Variants in KIRREL3 observed in about 807,000 individuals in gnomAD.
The protein encoded by KIRREL3 is kirre like nephrin family adhesion molecule 3.
Under a neutral mutation model 89.7 loss-of-function variants are expected in KIRREL3, and 36 were observed. The observed-to-expected ratio is 0.40, with a 90% CI of 0.31 to 0.53. The LOEUF is 0.53. Among genes scored for constraint, KIRREL3 ranks in the 20% least tolerant of loss-of-function variants. The pLI is 0.49. For missense variants in KIRREL3, 864 were observed against 1,056.6 expected (o/e 0.82, Z 2.53); for synonymous variants, 445 against 441.4 (o/e 1.01, Z -0.10).
Position 126,993,690 on chromosome 11 carries a change from T to A in KIRREL3, c.55+6765A>T, listed in dbSNP as rs1007522515. ...TACTGCATAGGAGGCCCACAGTGAG[T>A]GCTGGCTGAGTGGTCAAGGGCTGAG... On this transcript the variant is annotated intron_variant, in intron 1 of 16. Transcript: ENST00000525144. This position sits in a 1 kb window ranked among gnomAD's most constrained non-coding sequence, Gnocchi z 6.1. Among the ~76,000 whole-genome samples the A allele has an allele frequency of 1.3e-5, 2 of 152,154 alleles. No homozygotes were observed. Among genetic ancestry groups the A allele is most frequent in the South Asian group, 4.2e-4 (2 of 4,818 alleles).
In KIRREL3 at chr11:126,568,023, C is replaced by A. The variant is rs1208433905; in HGVS notation, c.56-5111G>T. Among the ~76,000 whole-genome samples, 5 of 152,106 alleles carry A rather than the reference C, an allele frequency of 3.3e-5. No homozygotes were observed. Among genetic ancestry groups the A allele is most frequent in the Non-Finnish European group, 5.9e-5 (4 of 67,996 alleles). On this transcript the variant is annotated intron_variant, in intron 1 of 16. Coordinates refer to ENST00000525144, the MANE Select transcript of KIRREL3 (RefSeq NM_032531.4). The surrounding 1 kb of genome is among the most constrained non-coding windows in gnomAD (Gnocchi z 4.6). ...TTGCTGAAGACTAACCCCTTCCCAC[C>A]TGAAGCTAGTAGACTCGAGCACGTC...
In KIRREL3 at chr11:126,512,324, G is replaced by A. The variant is rs149035367; in HGVS notation, c.433+8991C>T. 2.8e-3 allele frequency among the ~76,000 whole-genome samples: 431 copies of A among 152,342 alleles called. 2 individuals carry two copies. Among genetic ancestry groups the A allele is most frequent in the African/African-American group, 9.4e-3 (389 of 41,580 alleles). The stretch of plus-strand genomic sequence containing the variant: ...GTGTTAAGTACCTGCGTGCACCAGC[G>A]CATTTGTCCTTGAGGCGAAGCTGTC... On this transcript the variant is annotated intron_variant, in intron 4 of 16. Transcript: ENST00000525144.
intron 10 of KIRREL3, chr11:126,440,775 C>T (rs1955533392): frequency 5.0e-6 from 3 of 596,744 alleles, no homozygotes; most frequent in South Asian, 2.0e-5. Context: ...AGTCAGAACC[C>T]CCAGAAGATA....
rs535599288 is a variant in KIRREL3, at chr11:126,768,967, C to G, written c.56-206055G>C. The stretch of plus-strand genomic sequence containing the variant: ...CATGATCTGCTTTGTGTCTCAACAT[C>G]TTTTTACATGATCACGACTTGCAGT... On this transcript the variant is annotated intron_variant, in intron 1 of 16. Coordinates refer to ENST00000525144, the MANE Select transcript of KIRREL3 (RefSeq NM_032531.4). The surrounding 1 kb of genome is among the most constrained non-coding windows in gnomAD (Gnocchi z 4.5). Among the ~76,000 whole-genome samples, 14 of 152,338 alleles carry G rather than the reference C, an allele frequency of 9.2e-5. No individual in the cohort carries two copies. In the East Asian group the frequency reaches 2.7e-3, roughly 29 times the overall value.
At position 126,786,411 on chromosome 11, in the gene KIRREL3, CT is replaced by C. The variant is rs796366765; in HGVS notation, c.55+214043del. Among the ~76,000 whole-genome samples, 139 of 151,984 alleles carry C rather than the reference CT, an allele frequency of 9.1e-4. 3 individuals are homozygous for C. The highest frequency in any genetic ancestry group is 3.4e-3 in the Middle Eastern group (1 of 294). ...GTGGTAATATTACATTATAATAAAACTTTTTTTTAAATGTGTTAATTCCTGT... is the reference window on the plus strand; with the variant it reads ...GTGGTAATATTACATTATAATAAAACTTTTTTTAAATGTGTTAATTCCTGT... On this transcript the variant is annotated intron_variant, in intron 1 of 16. Coordinates refer to ENST00000525144, the MANE Select transcript of KIRREL3 (RefSeq NM_032531.4).
intron 1 of KIRREL3, among the ~76,000 whole-genome samples, chr11:126,707,718 T>C (rs1448487259): frequency 6.6e-6 from 1 of 152,214 alleles, no homozygotes; most frequent in Non-Finnish European, 1.5e-5. Flanking sequence ...ATTCCCCCTG[T>C]GGATTCTTCT....
chr11:126,929,949 C>A (rs1357783210), intron 1 of KIRREL3, among the ~76,000 whole-genome samples: 2 of 7,340 alleles, frequency 2.7e-4, no homozygotes, highest in African/African-American at 5.1e-3. Context: ...GGGGGAGCCA[C>A]CCCCCCCCCC....
rs1410628214 is a variant in KIRREL3 at position 126,576,438 on chromosome 11, C to T, written c.56-13526G>A. 1.3e-5 allele frequency among the ~76,000 whole-genome samples: 2 copies of T among 152,190 alleles called. No homozygotes were observed. The highest frequency in any genetic ancestry group is 1.3e-4 in the Admixed American group (2 of 15,280). Reference sequence around the variant, plus strand: ...TGGCTGTTATGGATATTGTGATGAACAAGACAGAGAAGAATTTTTGCCTTC... The same window carrying T: ...TGGCTGTTATGGATATTGTGATGAATAAGACAGAGAAGAATTTTTGCCTTC... On this transcript the variant is annotated intron_variant, in intron 1 of 16. Coordinates refer to ENST00000525144, the MANE Select transcript of KIRREL3 (RefSeq NM_032531.4). This position sits in a 1 kb window ranked among gnomAD's most constrained non-coding sequence, Gnocchi z 5.4.
Position 126,462,789 on chromosome 11 carries a change from T to C in KIRREL3, c.742+368A>G, listed in dbSNP as rs1956589869. On this transcript the variant is annotated intron_variant, in intron 6 of 16. Coordinates refer to ENST00000525144, the MANE Select transcript of KIRREL3 (RefSeq NM_032531.4). The surrounding 1 kb of genome is among the most constrained non-coding windows in gnomAD (Gnocchi z 4.8). ...TCCAGAGCACAGCGCTGCTTGCCAA[T>C]TCTGAAGCCTGGGGACCCTTCAAAT... 6.6e-6 allele frequency among the ~76,000 whole-genome samples: 1 copy of C among 152,184 alleles called. No individual in the cohort carries two copies. The highest frequency in any genetic ancestry group is 1.5e-5 in the Non-Finnish European group (1 of 68,024).
chr11:126,475,146 C>T lies in KIRREL3; in HGVS notation c.434-1680G>A, dbSNP rs1451098257. 1.3e-5 allele frequency among the ~76,000 whole-genome samples: 2 copies of T among 152,224 alleles called. No homozygotes were observed. Among genetic ancestry groups the T allele is most frequent in the African/African-American group, 4.8e-5 (2 of 41,458 alleles). On this transcript the variant is annotated intron_variant, in intron 4 of 16. Transcript: ENST00000525144. The surrounding 1 kb of genome is among the most constrained non-coding windows in gnomAD (Gnocchi z 7.5). ...GCGTGGGAACCTAGCACAAAGGGTC[C>T]TCTCTGCCTGGTGGCCAGAGAAGCC...
At chr11:126,478,771 ATGTG>A (rs1378707954) in intron 4 of KIRREL3, among the ~76,000 whole-genome samples, 1 of 151,680 alleles carries the variant, frequency 6.6e-6, no homozygotes, top group African/African-American at 2.4e-5. Context: ...GTGTGTGTAT[ATGTG>A]TGTTTGTGTG....
intron 1 of KIRREL3, among the ~76,000 whole-genome samples, chr11:126,964,027 C>T (rs1949186258): frequency 6.6e-6 from 1 of 152,212 alleles, no homozygotes; most frequent in Non-Finnish European, 1.5e-5. Context: ...CAAATCCCTT[C>T]AGTGCAAGGG....
Position 126,526,749 on chromosome 11 carries a change from C to T in KIRREL3, c.134-62G>A, listed in dbSNP as rs1407278867. The T allele has an allele frequency of 6.6e-7, 1 of 1,509,988 alleles. No individual in the cohort carries two copies. Among genetic ancestry groups the T allele is most frequent in the Non-Finnish European group, 9.0e-7 (1 of 1,114,714 alleles). 93.5% of individuals were successfully genotyped at this position (1,509,988 alleles called of 1,614,324 possible). On this transcript the variant is annotated intron_variant, in intron 2 of 16. Transcript: ENST00000525144. This position sits in a 1 kb window ranked among gnomAD's most constrained non-coding sequence, Gnocchi z 5.7. ...CGGCTACAGGGGCGAGAAGGCTCCCCTCCAGCTATGGAAGCAGAGCAGGGC... is the reference window on the plus strand; with the variant it reads ...CGGCTACAGGGGCGAGAAGGCTCCCTTCCAGCTATGGAAGCAGAGCAGGGC...
rs1445194461 is a variant in KIRREL3 at position 126,969,047 on chromosome 11, G to GT, written c.55+31407dup. ...GCCTCTCCTTGCATAGATGTCAGAA[G>GT]TAACACTTCAGGCGGGGGCGTCTGA... is the stretch of plus-strand genomic sequence containing the variant. On this transcript the variant is annotated intron_variant, in intron 1 of 16. Coordinates refer to ENST00000525144, the MANE Select transcript of KIRREL3 (RefSeq NM_032531.4). The surrounding 1 kb of genome is among the most constrained non-coding windows in gnomAD (Gnocchi z 4.9). Among the ~76,000 whole-genome samples, 1 of 152,186 alleles carries GT rather than the reference G, an allele frequency of 6.6e-6. No individual in the cohort carries two copies. The highest frequency in any genetic ancestry group is 1.5e-5 in the Non-Finnish European group (1 of 68,028).
In KIRREL3 at chr11:126,676,957, A is replaced by T. The variant is rs926548410; in HGVS notation, c.56-114045T>A. Among the ~76,000 whole-genome samples, 1 of 151,638 alleles carries T rather than the reference A, an allele frequency of 6.6e-6. No homozygotes were observed. The highest frequency in any genetic ancestry group is 1.5e-5 in the Non-Finnish European group (1 of 67,894). On this transcript the variant is annotated intron_variant, in intron 1 of 16. Transcript: ENST00000525144. This position sits in a 1 kb window ranked among gnomAD's most constrained non-coding sequence, Gnocchi z 4.5. ...GCACCACCACACCACGCTAATTTTT[A>T]AAAAATTTTTTGTAGAGACAGGGTC...
intron 1 of KIRREL3, among the ~76,000 whole-genome samples, chr11:126,804,695 C>CT (rs1356937915): frequency 3.1e-4 from 47 of 152,192 alleles, no homozygotes; most frequent in African/African-American, 1.1e-3. Context: ...TAATTTGTCA[C>CT]TTCTTTTTGT....
chr11:126,956,031 G>A (rs2135163225), intron 1 of KIRREL3, among the ~76,000 whole-genome samples: 1 of 152,322 alleles, frequency 6.6e-6, no homozygotes, highest in South Asian at 2.1e-4. Context: ...TGGGCTCTCA[G>A]GGTTGTTTTC....
chr11:126,751,719 GA>G (rs1949343939), intron 1 of KIRREL3, among the ~76,000 whole-genome samples: 1 of 151,970 alleles, frequency 6.6e-6, no homozygotes. Context: ...GTGTCTATCT[GA>G]ATATGGGAAG....
intron 4 of KIRREL3, among the ~76,000 whole-genome samples, chr11:126,500,993 T>A (rs1298380601): frequency 1.3e-5 from 2 of 152,224 alleles, no homozygotes; most frequent in Non-Finnish European, 2.9e-5. Context: ...ATCCCAAATG[T>A]CAGCCTTTCC....
Sources: gnomAD v4.1 joint callset for allele counts (sites outside exome capture counted in the v4.1 genomes callset) on GRCh38, gnomAD v4.1.1 for gene constraint, Gnocchi (gnomAD v3.1) non-coding constraint, MANE v1.5 for transcripts, NCBI Gene and HGNC (gene_info 2026-07-23, HGNC 2026-07-21) for gene names.